GNAQ: variants seen among roughly 807,000 people sequenced by gnomAD.
GNAQ encodes the protein G protein subunit alpha q, also known as guanine nucleotide-binding protein G(q) subunit alpha.
Under a neutral mutation model 43.9 loss-of-function variants are expected in GNAQ, and 8 were observed. The ratio of observed to expected loss-of-function variants is 0.18; its 90% confidence interval spans 0.11 to 0.33. The LOEUF is 0.33. GNAQ is among the 10% of genes least tolerant of loss of function. The pLI is 1.00. For synonymous variants in GNAQ, 155 were observed against 170.7 expected, an observed-to-expected ratio of 0.91 and a Z score of 0.71; for missense variants, 158 against 450.8, an observed-to-expected ratio of 0.35 and a Z score of 5.88.
chr9:77,876,247 T>C (rs960939904), intron 2 of GNAQ, among the ~76,000 whole-genome samples: 5 of 152,176 alleles, frequency 3.3e-5, no homozygotes, highest in African/African-American at 1.2e-4. Context: ...AGCTGTCTCC[T>C]TTCCTCCTCT....
At chr9:77,815,890 G>T in intron 2 of GNAQ, 120 bp from the exon 3 acceptor site, 4 of 566,568 alleles carry the variant, frequency 7.1e-6, no homozygotes, top group South Asian at 5.8e-5. Flanking sequence ...TCTTTACACT[G>T]GTTTACAATA....
intron 2 of GNAQ, among the ~76,000 whole-genome samples, chr9:77,900,979 C>G (rs1828600156): frequency 6.6e-6 from 1 of 152,150 alleles, no homozygotes; most frequent in South Asian, 2.1e-4. Flanking sequence ...CACTGACCAA[C>G]AAACACACTC....
Position 77,794,577 on chromosome 9 carries a change from C to T in GNAQ, c.621G>A (p.Gly207=), listed in dbSNP as rs371519995. The T allele has an allele frequency of 2.7e-5, 44 of 1,604,596 alleles. No homozygotes were observed. The highest frequency in any genetic ancestry group is 2.4e-5 in the Non-Finnish European group (28 of 1,173,028). The change falls in exon 5 of 7, where the codon GGG becomes GGA. Residue 207 remains glycine, a synonymous_variant. Coordinates refer to ENST00000286548, the MANE Select transcript of GNAQ (RefSeq NM_002072.5). Reference sequence around the variant, plus strand: ...ATTTTCTTCTCTCTGACCTTTGGCCCCCTACATCGACCATTCTGCAAGGTT... The same window carrying T: ...ATTTTCTTCTCTCTGACCTTTGGCCTCCTACATCGACCATTCTGCAAGGTT... The part of the protein sequence containing the change: ...QSVIFRMVDV[G]GQRSERRKWI...
intron 1 of GNAQ, among the ~76,000 whole-genome samples, chr9:77,948,566 T>C (rs1371794951): frequency 1.3e-5 from 2 of 152,162 alleles, no homozygotes; most frequent in Non-Finnish European, 2.9e-5. Flanking sequence ...CCTAGGCCTG[T>C]GCATGCAAGA....
chr9:77,782,902 C>A (rs1478813388), intron 5 of GNAQ, among the ~76,000 whole-genome samples: 1 of 152,092 alleles, frequency 6.6e-6, no homozygotes, highest in Admixed American at 6.5e-5. Flanking sequence ...GAAAAGGCTA[C>A]AAACTGTATG....
intron 3 of GNAQ, among the ~76,000 whole-genome samples, chr9:77,804,829 T>A (rs772012430): frequency 6.6e-6 from 1 of 152,094 alleles, no homozygotes; most frequent in Non-Finnish European, 1.5e-5. Flanking sequence ...TCTGGGTAGG[T>A]CTTCACATTT....
chr9:77,810,771 A>G (rs1826905868), intron 3 of GNAQ, among the ~76,000 whole-genome samples: 1 of 152,206 alleles, frequency 6.6e-6, no homozygotes, highest in South Asian at 2.1e-4. Flanking sequence ...AAACATGAGC[A>G]CTGCTGTCAG....
intron 2 of GNAQ, among the ~76,000 whole-genome samples, chr9:77,879,212 A>C (rs1184728513): frequency 6.6e-6 from 1 of 152,164 alleles, no homozygotes; most frequent in Non-Finnish European, 1.5e-5. Flanking sequence ...TTTTTAAAAA[A>C]TTGTCTGTCA....
intron 6 of GNAQ, among the ~76,000 whole-genome samples, chr9:77,722,763 C>G (rs941909345): frequency 6.7e-6 from 1 of 149,036 alleles, no homozygotes; most frequent in Non-Finnish European, 1.5e-5. Flanking sequence ...TTCAAGTGAT[C>G]CTCTTGCCTC....
intron 1 of GNAQ, among the ~76,000 whole-genome samples, chr9:77,931,399 T>C (rs1829147814): frequency 1.3e-5 from 2 of 151,974 alleles, no homozygotes; most frequent in Admixed American, 1.3e-4. Flanking sequence ...GAGACCATCC[T>C]GGTTAACACA....
intron 2 of GNAQ, among the ~76,000 whole-genome samples, chr9:77,904,028 T>C (rs1828661142): frequency 6.6e-6 from 1 of 152,158 alleles, no homozygotes; most frequent in Non-Finnish European, 1.5e-5. Context: ...CTTTTGGAAT[T>C]TCCATATCAA....
intron 1 of GNAQ, among the ~76,000 whole-genome samples, chr9:78,009,872 C>T (rs1823753108): frequency 6.6e-6 from 1 of 152,060 alleles, no homozygotes; most frequent in Non-Finnish European, 1.5e-5. Context: ...ATGCAGAAGA[C>T]TATGTACACA....
intron 5 of GNAQ, among the ~76,000 whole-genome samples, chr9:77,768,525 G>A (rs558398917): frequency 4.7e-4 from 72 of 152,270 alleles, no homozygotes; most frequent in Non-Finnish European, 9.1e-4. Flanking sequence ...GGGTTCAAAG[G>A]CTTTCCCCTT....
At chr9:77,906,787 C>A (rs1340640870) in intron 2 of GNAQ, among the ~76,000 whole-genome samples, 1 of 152,172 alleles carries the variant, frequency 6.6e-6, no homozygotes, top group Non-Finnish European at 1.5e-5. Context: ...CACAGTACAA[C>A]TCCAAACCTC....
chr9:77,946,531 A>G (rs1252078554), intron 1 of GNAQ, among the ~76,000 whole-genome samples: 1 of 152,210 alleles, frequency 6.6e-6, no homozygotes, highest in East Asian at 1.9e-4. Flanking sequence ...TGCACCCCAC[A>G]AACCAACGTG....
chr9:77,964,620 A>T (rs1823144275), intron 1 of GNAQ, among the ~76,000 whole-genome samples: 1 of 152,194 alleles, frequency 6.6e-6, no homozygotes, highest in African/African-American at 2.4e-5. Context: ...GATCAGTAAC[A>T]GAAAGATACC....
intron 2 of GNAQ, among the ~76,000 whole-genome samples, chr9:77,824,410 A>C (rs1587933438): frequency 6.6e-6 from 1 of 152,220 alleles, no homozygotes; most frequent in Non-Finnish European, 1.5e-5. Flanking sequence ...ATATTTTCAT[A>C]GAACTATCTT....
chr9:77,864,930 G>C (rs139974363), intron 2 of GNAQ, among the ~76,000 whole-genome samples: 202 of 152,192 alleles, frequency 1.3e-3, no homozygotes, highest in Non-Finnish European at 2.4e-3. Context: ...CCCTACTCTA[G>C]AGTATTTTGA....
chr9:77,927,075 TCACA>T (rs1829081471), intron 1 of GNAQ, among the ~76,000 whole-genome samples: 1 of 152,128 alleles, frequency 6.6e-6, no homozygotes, highest in African/African-American at 2.4e-5. Context: ...ACACACACTC[TCACA>T]CAATCTGATG....
Sources: allele counts gnomAD v4.1 joint callset (sites outside exome capture counted in the v4.1 genomes callset), GRCh38; gene constraint gnomAD v4.1.1; transcripts MANE v1.5; gene names NCBI Gene and HGNC (gene_info 2026-07-23, HGNC 2026-07-21).